CELA3A: variants seen among roughly 807,000 people sequenced by gnomAD.
CELA3A encodes chymotrypsin like elastase 3A.
In CELA3A, 35 loss-of-function variants were observed where a neutral mutation model predicts 38.6. That is an observed-to-expected ratio of 0.91 (90% CI 0.69 to 1.20). CELA3A has a LOEUF of 1.20. Ranked by LOEUF, CELA3A falls within the 50% of genes most tolerant of loss-of-function variation. The probability of loss-of-function intolerance (pLI) is 0.00; values close to 1 mark genes in which losing one functional copy is unlikely to be tolerated. For missense variants in CELA3A, 343 were observed against 354.2 expected (o/e 0.97, Z 0.25); for synonymous variants, 143 against 136.7 (o/e 1.05, Z -0.32).
intron 2 of CELA3A, among the ~76,000 whole-genome samples, chr1:22,004,750 T>C (rs1290969374): frequency 2.6e-5 from 4 of 151,028 alleles, no homozygotes; most frequent in Non-Finnish European, 5.9e-5. Flanking sequence ...AAAGAACTCA[T>C]CAGGGTGAGC....
At position 22,005,831 on chromosome 1, in the gene CELA3A, C is replaced by G. The variant is rs529205009; in HGVS notation, c.362+35C>G. ...TGCTCCGGTCTGGAACCCAGGGGCT[C>G]CTCTACTTGTCCCTCCATGACCCAC... On this transcript the variant is annotated intron_variant, in intron 4 of 7. Coordinates refer to ENST00000290122, the MANE Select transcript of CELA3A (RefSeq NM_005747.5). The G allele has an allele frequency of 3.1e-6, 5 of 1,609,320 alleles. No individual in the cohort carries two copies. The East Asian group carries it at 1.1e-4, about 36-fold the overall frequency.
At position 22,007,399 on chromosome 1, in the gene CELA3A, C is replaced by A. The variant is rs770095041; in HGVS notation, c.526C>A (p.Gln176Lys). Residue 176 changes from glutamine (Q) to lysine (K), a missense_variant, in exon 6 of 8, where the codon CAG (glutamine) becomes AAG (lysine). By Grantham distance (53) the Gln-to-Lys change is moderately conservative (BLOSUM62 1). Coordinates refer to ENST00000290122, the MANE Select transcript of CELA3A (RefSeq NM_005747.5). ...CAATGGGCCACTCCCAGACAAGCTG[C>A]AGCAGGCCCGGCTGCCCGTGGTGGA... ...YTNGPLPDKLQQARLPVVDYK... is the reference protein window; with the variant it reads ...YTNGPLPDKLKQARLPVVDYK... 1 of 1,612,104 alleles carries A rather than the reference C, an allele frequency of 6.2e-7. No homozygotes were observed. The highest frequency in any genetic ancestry group is 8.5e-7 in the Non-Finnish European group (1 of 1,179,220).
In CELA3A at chr1:22,006,716, C is replaced by CAAT. The variant is rs111798236; in HGVS notation, c.363-137_363-135dup. ...TGGGCAACAGACCGAGACTCTGTCT[C>CAAT]AATAATAATAATAATAATAATAATA... On this transcript the variant is annotated intron_variant, in intron 4 of 7. Coordinates refer to ENST00000290122, the MANE Select transcript of CELA3A (RefSeq NM_005747.5). Among the ~76,000 whole-genome samples, 936 of 145,500 alleles carry CAAT rather than the reference C, an allele frequency of 6.4e-3. 30 individuals carry two copies. The highest frequency in any genetic ancestry group is 0.021 in the South Asian group (92 of 4,468).
At chr1:22,008,526 G>C (rs1313162488) in intron 6 of CELA3A, among the ~76,000 whole-genome samples, 2 of 150,680 alleles carry the variant, frequency 1.3e-5, no homozygotes, top group African/African-American at 4.9e-5. Context: ...TTGGGAGGCC[G>C]AGCCGGGCGG....
intron 6 of CELA3A, 97 bp from the exon 7 acceptor site, chr1:22,009,608 A>C: frequency 2.0e-6 from 3 of 1,471,782 alleles, no homozygotes; most frequent in South Asian, 2.5e-5. Context: ...CAGAGGTGTC[A>C]AGTAATGTCA....
At chr1:22,007,296 C>T (rs1644956538) in intron 5 of CELA3A, 77 bp from the exon 6 acceptor site, 17 of 1,525,944 alleles carry the variant, frequency 1.1e-5, no homozygotes, top group Admixed American at 4.1e-5. Context: ...GAACTGTGGG[C>T]CTTGAATGCC....
chr1:22,004,353 G>GT (rs1430624193), intron 2 of CELA3A, among the ~76,000 whole-genome samples: 3 of 151,116 alleles, frequency 2.0e-5, no homozygotes, highest in Non-Finnish European at 4.4e-5. Flanking sequence ...GATTATAGGC[G>GT]TAAGCCACCA....
chr1:22,009,626 T>C lies in CELA3A; in HGVS notation c.643-79T>C, dbSNP rs1644971197. On this transcript the variant is annotated intron_variant, in intron 6 of 7. Transcript: ENST00000290122. ...AGGTGTCAAGTAATGTCAGAGTTTC[T>C]TGAAATCCCTAGAATTCAGAACCAG... The C allele has an allele frequency of 2.6e-6, 4 of 1,539,894 alleles. No individual in the cohort carries two copies. In the South Asian group the frequency reaches 4.9e-5, roughly 19 times the overall value.
intron 6 of CELA3A, among the ~76,000 whole-genome samples, chr1:22,009,310 G>C (rs1183922805): frequency 1.3e-5 from 2 of 151,412 alleles, no homozygotes; most frequent in Non-Finnish European, 2.9e-5. Flanking sequence ...CTTGCAGTGA[G>C]CTGAGATCCT....
At chr1:22,002,910 G>A (rs1195409150) in intron 1 of CELA3A, 93 bp from the exon 2 acceptor site, 1 of 1,163,898 alleles carries the variant, frequency 8.6e-7, no homozygotes, top group Non-Finnish European at 1.2e-6. Flanking sequence ...GGGTCACACA[G>A]CCAGTTGAAG....
chr1:22,003,508 G>C (rs1488040951), intron 2 of CELA3A, among the ~76,000 whole-genome samples: 1 of 150,634 alleles, frequency 6.6e-6, no homozygotes, highest in Admixed American at 6.6e-5. Flanking sequence ...TTGATGTGCT[G>C]TGGCTATTTA....
At position 22,007,012 on chromosome 1, in the gene CELA3A, A is replaced by G. The variant is rs553205818; in HGVS notation, c.497A>G (p.Tyr166Cys). Residue 166 changes from tyrosine (Y) to cysteine (C), a missense_variant and splice_region_variant, in exon 5 of 8, where the codon TAT becomes TGT. Coordinates refer to ENST00000290122, the MANE Select transcript of CELA3A (RefSeq NM_005747.5). ...TACATCACCGGCTGGGGCCGTCTCT[A>G]TAGTACGTGCTGACTTCTCTAGCTG... is the stretch of plus-strand genomic sequence containing the variant. ...PCYITGWGRL[Y>C]TNGPLPDKLQ... 2 of 1,612,266 alleles carry G rather than the reference A, an allele frequency of 1.2e-6. No homozygotes were observed. The highest frequency in any genetic ancestry group is 2.2e-5 in the East Asian group (1 of 44,694).
chr1:22,006,913 C>T lies in CELA3A; in HGVS notation c.398C>T (p.Ala133Val). Residue 133 changes from alanine (A) to valine (V), a missense_variant, in exon 5 of 8, where the codon GCC becomes GTC. Physicochemically the swap from Ala to Val is moderately conservative, Grantham distance 64. Transcript: ENST00000290122. ...GCCCTCATCAAGCTCTCACGCAGCG[C>T]CCAGCTGGGAGATGCCGTCCAGCTC... ...DIALIKLSRS[A>V]QLGDAVQLAS... is the part of the protein sequence containing the mutation. 6.2e-7 allele frequency: 1 copy of T among 1,612,350 alleles called. No individual in the cohort carries two copies. Among genetic ancestry groups the T allele is most frequent in the South Asian group, 1.1e-5 (1 of 91,010 alleles).
intron 1 of CELA3A, among the ~76,000 whole-genome samples, chr1:22,002,275 C>T (rs1338509367): frequency 1.3e-5 from 2 of 151,382 alleles, no homozygotes; most frequent in Non-Finnish European, 2.9e-5. Context: ...GAGATCAGTA[C>T]TATCATTATC....
intron 2 of CELA3A, 46 bp from the exon 3 acceptor site, chr1:22,005,401 A>C (rs758785173): frequency 1.2e-6 from 2 of 1,607,300 alleles, no homozygotes; most frequent in Non-Finnish European, 1.7e-6. Flanking sequence ...GGCAACTCTC[A>C]TGGTGGGGCC....
Position 22,005,636 on chromosome 1 carries a change from C to A in CELA3A, c.228-26C>A, listed in dbSNP as rs377468643. ...AGGAGGGAGGTGAGCCAGTCAGGCC[C>A]CGACTGACCTCACCTCTGCCTGCAG... On this transcript the variant is annotated intron_variant, in intron 3 of 7. Coordinates refer to ENST00000290122, the MANE Select transcript of CELA3A (RefSeq NM_005747.5). 2.7e-5 allele frequency: 44 copies of A among 1,612,318 alleles called. 2 individuals are homozygous for A. In the African/African-American group the frequency reaches 5.4e-4, roughly 20 times the overall value.
At chr1:22,001,871 A>T (rs753981505) in intron 1 of CELA3A, among the ~76,000 whole-genome samples, 154 bp downstream of exon 1, 1 of 151,114 alleles carries the variant, frequency 6.6e-6, no homozygotes, top group Non-Finnish European at 1.5e-5. Flanking sequence ...AGGGGCTTTC[A>T]GCTTATGATG....
At chr1:22,002,550 C>G (rs750387197) in intron 1 of CELA3A, 2 of 382,544 alleles carry the variant, frequency 5.2e-6, no homozygotes, top group South Asian at 3.2e-5. Flanking sequence ...GCTATGTTGC[C>G]CAGGCTGGTC....
chr1:22,001,847 G>A (rs985691356), intron 1 of CELA3A, 130 bp downstream of exon 1: 19 of 1,324,084 alleles, frequency 1.4e-5, no homozygotes, highest in Non-Finnish European at 1.8e-5. Flanking sequence ...GCTTGTACCC[G>A]GGGGCATGAC....
Sources: allele counts gnomAD v4.1 joint callset (sites outside exome capture counted in the v4.1 genomes callset), GRCh38; gene constraint gnomAD v4.1.1; transcripts MANE v1.5; gene names NCBI Gene and HGNC (gene_info 2026-07-23, HGNC 2026-07-21).